CEP72: variants seen among roughly 807,000 people sequenced by gnomAD.
CEP72 encodes centrosomal protein of 72 kDa.
A neutral mutation model predicts 65.7 loss-of-function variants in CEP72; 78 were observed. The observed-to-expected ratio is 1.19, with a 90% confidence interval of 0.99 to 1.43. The LOEUF (loss-of-function observed/expected upper bound fraction) is 1.43. Among genes scored for constraint, CEP72 ranks in the 40% most tolerant of loss-of-function variants. The pLI is 0.00. For synonymous variants in CEP72, 358 were observed against 351.7 expected (o/e 1.02, Z -0.20); for missense variants, 914 against 832.9 (o/e 1.10, Z -1.20).
At chr5:644,173 T>G in intron 9 of CEP72, 126 bp from the exon 10 acceptor site, 1 of 1,074,668 alleles carries the variant, frequency 9.3e-7, no homozygotes, top group Non-Finnish European at 1.4e-6. Context: ...AATTACTGCC[T>G]TTCACATCGT....
downstream of CEP72, among the ~76,000 whole-genome samples, chr5:653,864 T>C (rs1440840825): frequency 1.3e-5 from 2 of 152,256 alleles, no homozygotes; most frequent in East Asian, 3.8e-4. Flanking sequence ...TCATACTTGC[T>C]GTGATTGGTA....
At chr5:634,051 C>A (rs1242585568) in intron 5 of CEP72, 104 bp downstream of exon 5, 1 of 1,013,264 alleles carries the variant, frequency 9.9e-7, no homozygotes, top group Non-Finnish European at 1.4e-6. Context: ...GTGGAACTTA[C>A]CTTGAAGGAT....
intron 4 of CEP72, among the ~76,000 whole-genome samples, chr5:666,564 G>A (rs1224531085): frequency 1.3e-5 from 2 of 152,326 alleles, no homozygotes; most frequent in South Asian, 2.1e-4. Flanking sequence ...AGGAGGGGCT[G>A]CCGCCCCCGG....
At chr5:669,539 C>T (rs1374695362), downstream of CEP72, among the ~76,000 whole-genome samples, 1 of 152,176 alleles carries the variant, frequency 6.6e-6, no homozygotes, top group Non-Finnish European at 1.5e-5. Flanking sequence ...TCTATTCCCA[C>T]CCTGCCCAAG....
At chr5:638,188 C>G (rs1327566396) in intron 7 of CEP72, among the ~76,000 whole-genome samples, 2 of 152,222 alleles carry the variant, frequency 1.3e-5, no homozygotes, top group Non-Finnish European at 2.9e-5. Flanking sequence ...AGAGGGGACT[C>G]TGCCTTACGG....
In CEP72 at chr5:632,968, A is replaced by G. The variant is rs370530103; in HGVS notation, c.513-801A>G. Among the ~76,000 whole-genome samples the G allele has an allele frequency of 7.5e-3, 531 of 70,898 alleles. 2 individuals carry two copies. The highest frequency in any genetic ancestry group is 9.5e-3 in the Non-Finnish European group (364 of 38,202). The allele number at this position is 70,898 out of a possible 152,430, so 46.5% of individuals were successfully genotyped here. ...GGGGTTCTGTCCAGTGCCGGGATTT[A>G]GACCAGTCCTGGTGGGGTTCTGTCC... On this transcript the variant is annotated intron_variant, in intron 4 of 11. Coordinates refer to ENST00000264935, the MANE Select transcript of CEP72 (RefSeq NM_018140.4).
At chr5:661,614 A>G (rs1244562982), downstream of CEP72, 1 of 152,446 alleles carries the variant, frequency 6.6e-6, no homozygotes, top group Admixed American at 6.5e-5. Flanking sequence ...TGAATTCACA[A>G]TATTCAGAAA....
chr5:636,535 A>G (rs1387125872), intron 6 of CEP72, among the ~76,000 whole-genome samples: 2 of 152,238 alleles, frequency 1.3e-5, no homozygotes, highest in Non-Finnish European at 2.9e-5. Flanking sequence ...AGCAGGCCAG[A>G]CACGGTGGCT....
intron 11 of CEP72, among the ~76,000 whole-genome samples, chr5:649,023 C>T (rs1488502903): frequency 4.2e-4 from 57 of 136,270 alleles, no homozygotes; most frequent in African/African-American, 1.5e-3. Flanking sequence ...GAGGTATCAA[C>T]CCTGAGTGTG....
chr5:673,976 C>T, the CEP72 span, among the ~76,000 whole-genome samples: 1 of 152,222 alleles, frequency 6.6e-6, no homozygotes, highest in African/African-American at 2.4e-5. Flanking sequence ...TGCATGCACA[C>T]ATGCGCCATA....
intron 2 of CEP72, chr5:664,952 G>T: frequency 1.2e-6 from 1 of 850,504 alleles, no homozygotes; most frequent in East Asian, 2.6e-5. Flanking sequence ...AGGAGGGGCA[G>T]GAGGGAGGCC....
intron 11 of CEP72, 143 bp from the exon 12 acceptor site, chr5:652,844 GT>G: frequency 1.1e-6 from 1 of 888,216 alleles, no homozygotes; most frequent in South Asian, 2.0e-5. Flanking sequence ...GACACAGAAG[GT>G]GATGGGGCCA....
downstream of CEP72, among the ~76,000 whole-genome samples, chr5:669,552 G>A (rs1190782983): frequency 6.6e-6 from 1 of 152,170 alleles, no homozygotes; most frequent in East Asian, 1.9e-4. Context: ...TGCCCAAGCT[G>A]ACATGCGGAC....
rs563453111 is a variant in CEP72, at chr5:633,796, C to A, written c.540C>A (p.Thr180=). The change falls in exon 5 of 12, where the codon ACC becomes ACA. Residue 180 remains threonine, a synonymous_variant. Transcript: ENST00000264935. The part of the protein sequence containing the change: ...GRPHHPRAKC[T]EALAKQSLVM... Reference sequence around the variant, plus strand: ...CACACCACCCCAGAGCCAAGTGCACCGAGGCCTTGGCCAAGCAGAGCCTGG... The same window carrying A: ...CACACCACCCCAGAGCCAAGTGCACAGAGGCCTTGGCCAAGCAGAGCCTGG... 83 of 1,613,948 alleles carry A rather than the reference C, an allele frequency of 5.1e-5. 1 individual carries two copies. The South Asian group carries it at 7.6e-4, about 15-fold the overall frequency.
downstream of CEP72, among the ~76,000 whole-genome samples, chr5:667,332 C>A (rs1166021773): frequency 6.6e-6 from 1 of 152,194 alleles, no homozygotes; most frequent in Non-Finnish European, 1.5e-5. Context: ...AGGACTGTTT[C>A]TTCCACAAGT....
chr5:637,409 CAT>C (rs1249506259), intron 6 of CEP72, 106 bp from the exon 7 acceptor site: 17 of 910,596 alleles, frequency 1.9e-5, no homozygotes, highest in Admixed American at 1.7e-4. Flanking sequence ...CGTGTGTGTC[CAT>C]GTGTGTATAT....
intron 10 of CEP72, 102 bp downstream of exon 10, chr5:644,527 C>T: frequency 1.5e-6 from 2 of 1,363,136 alleles, no homozygotes; most frequent in Non-Finnish European, 2.1e-6. Flanking sequence ...TGAGCAGCAG[C>T]AGACGCAGTT....
the CEP72 span, among the ~76,000 whole-genome samples, chr5:672,622 G>A: frequency 6.6e-6 from 1 of 152,220 alleles, no homozygotes; most frequent in Non-Finnish European, 1.5e-5. Context: ...GGCAGCAGCT[G>A]AGCCTGACCC....
chr5:619,802 C>T (rs1736262150), intron 2 of CEP72, among the ~76,000 whole-genome samples: 1 of 152,240 alleles, frequency 6.6e-6, no homozygotes, highest in Admixed American at 6.5e-5. Context: ...GTGCACATCA[C>T]TCAGCTTGCT....
Sources: gnomAD v4.1 joint callset for allele counts (sites outside exome capture counted in the v4.1 genomes callset) on GRCh38, gnomAD v4.1.1 for gene constraint, MANE v1.5 for transcripts, NCBI Gene and HGNC (gene_info 2026-07-23, HGNC 2026-07-21) for gene names.